TMPRSS15: variants seen among roughly 807,000 people sequenced by gnomAD.
TMPRSS15 encodes the protein enteropeptidase.
Under a neutral mutation model 125.3 loss-of-function variants are expected in TMPRSS15, and 128 were observed. That is an observed-to-expected ratio of 1.02 (90% CI 0.89 to 1.18). TMPRSS15 has a LOEUF of 1.18. TMPRSS15 is among the 50% of genes most tolerant of loss of function. The pLI is 0.00. For synonymous variants in TMPRSS15, 446 were observed against 423.2 expected, an observed-to-expected ratio of 1.05 and a Z score of -0.66; for missense variants, 1,283 against 1,212.7, an observed-to-expected ratio of 1.06 and a Z score of -0.86.
intron 1 of TMPRSS15, among the ~76,000 whole-genome samples, chr21:18,434,931 T>C (rs1041260910): frequency 6.6e-6 from 1 of 152,160 alleles, no homozygotes; most frequent in Non-Finnish European, 1.5e-5. Flanking sequence ...TTGTAAGTAC[T>C]TTAAAAATAG....
chr21:18,308,851 C>T (rs1053519111), intron 18 of TMPRSS15, among the ~76,000 whole-genome samples: 1 of 152,150 alleles, frequency 6.6e-6, no homozygotes, highest in African/African-American at 2.4e-5. Flanking sequence ...GTTTGGTTTT[C>T]TGTTCCTGTG....
At chr21:18,390,054 A>G (rs1043283293) in intron 3 of TMPRSS15, among the ~76,000 whole-genome samples, 2 of 152,158 alleles carry the variant, frequency 1.3e-5, no homozygotes, top group African/African-American at 4.8e-5. Flanking sequence ...CAGCTCTATT[A>G]TATCCTCAAC....
At chr21:18,371,803 A>G (rs2075794351) in intron 6 of TMPRSS15, among the ~76,000 whole-genome samples, 1 of 152,120 alleles carries the variant, frequency 6.6e-6, no homozygotes, top group South Asian at 2.1e-4. Flanking sequence ...ACCATTAGTA[A>G]GAAGTGAGAA....
chr21:18,395,428 C>T (rs976501033), intron 3 of TMPRSS15, among the ~76,000 whole-genome samples: 3 of 152,076 alleles, frequency 2.0e-5, no homozygotes, highest in Non-Finnish European at 2.9e-5. Context: ...CTTCACAAAC[C>T]CCTAGTGAGG....
chr21:18,429,936 A>G (rs1352824111), intron 1 of TMPRSS15, among the ~76,000 whole-genome samples: 1 of 152,214 alleles, frequency 6.6e-6, no homozygotes, highest in African/African-American at 2.4e-5. Flanking sequence ...ATTTTTGCTC[A>G]AATAATTTCT....
At chr21:18,474,132 G>GTT (rs574519563) in intron 1 of TMPRSS15, among the ~76,000 whole-genome samples, 5 of 151,814 alleles carry the variant, frequency 3.3e-5, no homozygotes, top group Admixed American at 1.3e-4. Context: ...ATCCATATAT[G>GTT]TTATATATAT....
At chr21:18,389,442 T>C (rs1469001963) in intron 3 of TMPRSS15, among the ~76,000 whole-genome samples, 1 of 152,182 alleles carries the variant, frequency 6.6e-6, no homozygotes, top group East Asian at 1.9e-4. Flanking sequence ...ATAAAATATT[T>C]ATCAAGGTTT....
chr21:18,362,304 T>C (rs1398469925), intron 7 of TMPRSS15, among the ~76,000 whole-genome samples: 1 of 152,128 alleles, frequency 6.6e-6, no homozygotes, highest in East Asian at 1.9e-4. Flanking sequence ...ACTTGAGAGA[T>C]GATTTCTTAA....
chr21:18,322,886 C>A (rs901699835), intron 16 of TMPRSS15, among the ~76,000 whole-genome samples: 2 of 152,038 alleles, frequency 1.3e-5, no homozygotes, highest in African/African-American at 2.4e-5. Flanking sequence ...TTGGAATATT[C>A]CTAACACTTA....
intron 1 of TMPRSS15, among the ~76,000 whole-genome samples, chr21:18,430,905 ATTC>A (rs943112696): frequency 5.3e-5 from 8 of 152,152 alleles, no homozygotes; most frequent in Admixed American, 2.0e-4. Flanking sequence ...CATTCTTTTT[ATTC>A]TTATAAATTA....
chr21:18,270,230 A>C, intron 24 of TMPRSS15, 106 bp from the exon 25 acceptor site: 1 of 996,180 alleles, frequency 1.0e-6, no homozygotes, highest in East Asian at 2.8e-5. Flanking sequence ...TAATTAAAAA[A>C]TATGATTTAA....
chr21:18,393,031 C>A (rs1184119844), intron 3 of TMPRSS15, among the ~76,000 whole-genome samples: 1 of 151,994 alleles, frequency 6.6e-6, no homozygotes, highest in Non-Finnish European at 1.5e-5. Context: ...GTAACGAAAA[C>A]ATAGATAAAA....
intron 18 of TMPRSS15, among the ~76,000 whole-genome samples, chr21:18,307,030 T>C (rs1179009352): frequency 6.6e-6 from 1 of 152,192 alleles, no homozygotes; most frequent in African/African-American, 2.4e-5. Flanking sequence ...ACAGTGGCTT[T>C]TTAATAAATT....
intron 22 of TMPRSS15, 125 bp from the exon 23 acceptor site, chr21:18,279,184 A>T (rs2146865505): frequency 3.2e-6 from 2 of 621,478 alleles, no homozygotes; most frequent in South Asian, 1.8e-5. Context: ...TTTTTTTTTT[A>T]ATCCTACCTG....
At chr21:18,305,016 T>C (rs1490072851) in intron 18 of TMPRSS15, among the ~76,000 whole-genome samples, 2 of 151,978 alleles carry the variant, frequency 1.3e-5, no homozygotes, top group Non-Finnish European at 2.9e-5. Context: ...AAAGTACCTA[T>C]GACACATAAA....
chr21:18,444,276 A>G (rs2076250026), intron 1 of TMPRSS15, among the ~76,000 whole-genome samples: 1 of 152,234 alleles, frequency 6.6e-6, no homozygotes, highest in Non-Finnish European at 1.5e-5. Context: ...AATGTTGTAT[A>G]TGTACATCAC....
chr21:18,415,923 G>A lies in TMPRSS15; in HGVS notation c.11-17594C>T, dbSNP rs2076178899. 2.0e-5 allele frequency among the ~76,000 whole-genome samples: 3 copies of A among 151,990 alleles called. No individual in the cohort carries two copies. The South Asian group carries it at 6.2e-4, about 31-fold the overall frequency. The stretch of plus-strand genomic sequence containing the variant: ...CCCTAAAACTCCACCTACACAAAAT[G>A]TTAGAACTAATAAACAAATTGAGTA... On this transcript the variant is annotated intron_variant, in intron 1 of 7. Transcript: ENST00000422787.
intron 8 of TMPRSS15, among the ~76,000 whole-genome samples, chr21:18,358,849 T>G (rs2075651451): frequency 6.6e-6 from 1 of 152,104 alleles, no homozygotes; most frequent in Non-Finnish European, 1.5e-5. Flanking sequence ...CTTAAATATT[T>G]CTCAAATCAT....
At chr21:18,480,537 GT>G in intron 1 of TMPRSS15, among the ~76,000 whole-genome samples, 1 of 151,764 alleles carries the variant, frequency 6.6e-6, no homozygotes, top group Non-Finnish European at 1.5e-5. Flanking sequence ...GGCAAGTTTA[GT>G]TTGTAAGTAA....
Sources: gnomAD v4.1 joint callset for allele counts (sites outside exome capture counted in the v4.1 genomes callset) on GRCh38, gnomAD v4.1.1 for gene constraint, MANE v1.5 for transcripts, NCBI Gene and HGNC (gene_info 2026-07-23, HGNC 2026-07-21) for gene names.